Variants in SORCS1 observed in about 807,000 individuals in gnomAD.
The protein encoded by SORCS1 is VPS10 domain-containing receptor SorCS1.
In SORCS1, 60 loss-of-function variants were observed where a neutral mutation model predicts 146.1. The ratio of observed to expected loss-of-function variants is 0.41; its 90% confidence interval spans 0.33 to 0.51. The LOEUF is 0.51. Among genes scored for constraint, SORCS1 ranks in the 20% least tolerant of loss-of-function variants. SORCS1 has a pLI of 0.21. For synonymous variants in SORCS1, 637 were observed against 584.0 expected, an observed-to-expected ratio of 1.09 and a Z score of -1.31; for missense variants, 1,352 against 1,487.6, an observed-to-expected ratio of 0.91 and a Z score of 1.50.
At chr10:107,112,783 CA>C (rs374147451) in intron 1 of SORCS1, among the ~76,000 whole-genome samples, 1 of 151,896 alleles carries the variant, frequency 6.6e-6, no homozygotes, top group Non-Finnish European at 1.5e-5. Context: ...TTAGAAGAGA[CA>C]AAAAAGGTAG....
chr10:107,162,313 T>C (rs185057216), intron 1 of SORCS1, among the ~76,000 whole-genome samples: 2 of 152,350 alleles, frequency 1.3e-5, no homozygotes, highest in Admixed American at 1.3e-4. Context: ...ATGTTTGATG[T>C]GTTTCAAATC....
chr10:107,071,185 A>G (rs74154844), intron 1 of SORCS1, among the ~76,000 whole-genome samples: 4,204 of 150,126 alleles, frequency 0.028, 173 homozygotes, highest in African/African-American at 0.096. Context: ...CCTCCGCAGC[A>G]CCAGCCTTTA....
At chr10:106,688,822 G>A (rs1275603446) in intron 9 of SORCS1, among the ~76,000 whole-genome samples, 6 of 152,144 alleles carry the variant, frequency 3.9e-5, no homozygotes, top group African/African-American at 2.4e-5. Context: ...AGGTCACACT[G>A]CCCAAGGGCA....
intron 1 of SORCS1, among the ~76,000 whole-genome samples, chr10:106,970,336 C>CT (rs766818370): frequency 0.41 from 36,939 of 89,102 alleles, 9,961 homozygotes; most frequent in Non-Finnish European, 0.5. Flanking sequence ...ACCAACATCT[C>CT]TTTTTTTTTT....
At chr10:107,173,680 T>C in the SORCS1 span, among the ~76,000 whole-genome samples, 1 of 152,200 alleles carries the variant, frequency 6.6e-6, no homozygotes, top group East Asian at 1.9e-4. Flanking sequence ...TGTTTTATCA[T>C]TTATATCTAT....
At chr10:106,821,126 T>C (rs1312387089) in intron 3 of SORCS1, among the ~76,000 whole-genome samples, 2 of 152,244 alleles carry the variant, frequency 1.3e-5, no homozygotes, top group Non-Finnish European at 2.9e-5. Flanking sequence ...TTTCCTTTTG[T>C]ATTTGAGAAT....
chr10:107,142,895 C>T (rs1008727911), intron 1 of SORCS1, among the ~76,000 whole-genome samples: 1 of 152,210 alleles, frequency 6.6e-6, no homozygotes, highest in Non-Finnish European at 1.5e-5. Flanking sequence ...GGGGCCAAGA[C>T]CAACGTGTCC....
At chr10:106,754,735 T>A (rs1174990139) in intron 5 of SORCS1, among the ~76,000 whole-genome samples, 1 of 152,196 alleles carries the variant, frequency 6.6e-6, no homozygotes, top group African/African-American at 2.4e-5. Flanking sequence ...TTTATCCTTC[T>A]GCTATATAAT....
At chr10:107,141,296 G>A (rs758428684) in intron 1 of SORCS1, among the ~76,000 whole-genome samples, 1 of 152,154 alleles carries the variant, frequency 6.6e-6, no homozygotes, top group Non-Finnish European at 1.5e-5. Context: ...CAATGGAGGG[G>A]AGGGGCACAC....
At chr10:106,662,778 C>T (rs982813628) in intron 17 of SORCS1, among the ~76,000 whole-genome samples, 2 of 152,186 alleles carry the variant, frequency 1.3e-5, no homozygotes, top group Admixed American at 1.3e-4. Context: ...ATTAATTTGG[C>T]TAAATCCTAC....
intron 2 of SORCS1, among the ~76,000 whole-genome samples, chr10:106,852,270 C>T (rs142332288): frequency 3.3e-5 from 5 of 152,234 alleles, no homozygotes; most frequent in East Asian, 1.9e-4. Context: ...GGAAAACTTT[C>T]GAGTTTCTCA....
intron 6 of SORCS1, among the ~76,000 whole-genome samples, chr10:106,715,561 A>G (rs987497534): frequency 1.3e-5 from 2 of 152,226 alleles, no homozygotes; most frequent in East Asian, 1.9e-4. Flanking sequence ...AACAATATCC[A>G]TCTAGCCAGA....
chr10:106,967,403 G>C (rs1955547841), intron 1 of SORCS1, among the ~76,000 whole-genome samples: 1 of 151,106 alleles, frequency 6.6e-6, no homozygotes, highest in African/African-American at 2.4e-5. Flanking sequence ...ATTTTTTCTA[G>C]AAAAAAACCA....
chr10:106,642,448 A>G (rs1293327178), intron 18 of SORCS1, among the ~76,000 whole-genome samples: 6 of 152,184 alleles, frequency 3.9e-5, no homozygotes, highest in Non-Finnish European at 8.8e-5. Flanking sequence ...GTTTTTATAA[A>G]GAATTGATAT....
chr10:107,141,705 AAGG>A (rs1967860792), intron 1 of SORCS1, among the ~76,000 whole-genome samples: 2 of 152,156 alleles, frequency 1.3e-5, no homozygotes, highest in African/African-American at 2.4e-5. Flanking sequence ...TGCCTGTAAC[AAGG>A]AGGAGTTTGT....
intron 5 of SORCS1, among the ~76,000 whole-genome samples, chr10:106,733,022 C>T (rs1372727055): frequency 1.3e-5 from 2 of 151,118 alleles, no homozygotes; most frequent in Non-Finnish European, 2.9e-5. Context: ...TCAGGAAAAT[C>T]CCTTGAACCT....
At chr10:106,827,654 G>T (rs1455569837) in intron 3 of SORCS1, among the ~76,000 whole-genome samples, 1 of 152,110 alleles carries the variant, frequency 6.6e-6, no homozygotes, top group East Asian at 1.9e-4. Context: ...AAAAATAAAA[G>T]ATATAAGTTC....
At chr10:106,767,938 T>C (rs1859705012) in intron 4 of SORCS1, among the ~76,000 whole-genome samples, 1 of 152,228 alleles carries the variant, frequency 6.6e-6, no homozygotes, top group Non-Finnish European at 1.5e-5. Flanking sequence ...ACCCAATTGC[T>C]TGTTTTAAAA....
chr10:107,043,805 C>T (rs1383125207), intron 1 of SORCS1, among the ~76,000 whole-genome samples: 3 of 152,172 alleles, frequency 2.0e-5, no homozygotes, highest in Non-Finnish European at 4.4e-5. Context: ...TAATGCCTGT[C>T]TACCCCACTA....
Sources: allele counts gnomAD v4.1 joint callset (sites outside exome capture counted in the v4.1 genomes callset), GRCh38; gene constraint gnomAD v4.1.1; transcripts MANE v1.5; gene names NCBI Gene and HGNC (gene_info 2026-07-23, HGNC 2026-07-21).